PCDHGA4: variants seen among roughly 807,000 people sequenced by gnomAD.
PCDHGA4 encodes the protein protocadherin gamma-A4.
Under a neutral mutation model 54.6 loss-of-function variants are expected in PCDHGA4, and 38 were observed. The ratio of observed to expected loss-of-function variants is 0.70; its 90% confidence interval spans 0.54 to 0.91. The LOEUF (loss-of-function observed/expected upper bound fraction) is 0.91. PCDHGA4 is among the 40% of genes least tolerant of loss of function. The pLI is 0.00. For missense variants in PCDHGA4, 1,298 were observed against 1,220.9 expected, an observed-to-expected ratio of 1.06 and a Z score of -0.94; for synonymous variants, 511 against 512.9, an observed-to-expected ratio of 1.00 and a Z score of 0.05.
chr5:141,419,694 G>T, intron 1 of PCDHGA4: 2 of 1,612,974 alleles, frequency 1.2e-6, no homozygotes, highest in South Asian at 1.1e-5. Context: ...GTGCAGGCCA[G>T]TGAGCCCGGG....
chr5:141,425,500 T>C (rs2096879850), intron 1 of PCDHGA4, among the ~76,000 whole-genome samples: 1 of 152,246 alleles, frequency 6.6e-6, no homozygotes, highest in South Asian at 2.1e-4. Context: ...GCTATACCTT[T>C]ATATTCTCTT....
At position 141,476,764 on chromosome 5, in the gene PCDHGA4, G is replaced by A. The variant is rs570982273; in HGVS notation, c.2515-18043G>A. 1.2e-6 allele frequency: 2 copies of A among 1,613,794 alleles called. No homozygotes were observed. Reference sequence around the variant, plus strand: ...CTAGTCTCCAGTTAGTGCTGACGGCGTTGGACGGAGGGACCCCAGCTCTCT... The same window carrying A: ...CTAGTCTCCAGTTAGTGCTGACGGCATTGGACGGAGGGACCCCAGCTCTCT... On this transcript the variant is annotated intron_variant, in intron 1 of 3. Coordinates refer to ENST00000571252, the MANE Select transcript of PCDHGA4 (RefSeq NM_018917.4). The surrounding 1 kb of genome is among the most constrained non-coding windows in gnomAD (Gnocchi z 7.6).
Position 141,485,625 on chromosome 5 carries a change from G to T in PCDHGA4, c.2515-9182G>T. 6.2e-7 allele frequency: 1 copy of T among 1,611,968 alleles called. No individual in the cohort carries two copies. On this transcript the variant is annotated intron_variant, in intron 1 of 3. Transcript: ENST00000571252. This position sits in a 1 kb window ranked among gnomAD's most constrained non-coding sequence, Gnocchi z 5.7. ...GGGGAGGCAGCTCCTCCAGGACAGC[G>T]TTTCCCGTTGGAAAAGGCTCAGGAT...
chr5:141,421,760 A>G, intron 1 of PCDHGA4: 1 of 1,613,868 alleles, frequency 6.2e-7, no homozygotes, highest in South Asian at 1.1e-5. Context: ...CCTAATAATT[A>G]CTTTTCCTTG....
At chr5:141,457,289 G>C (rs907200077) in intron 1 of PCDHGA4, among the ~76,000 whole-genome samples, 2 of 152,146 alleles carry the variant, frequency 1.3e-5, no homozygotes, top group African/African-American at 4.8e-5. Flanking sequence ...GAAGTTCCTT[G>C]GTTTTATTTT....
rs747156698 is a variant in PCDHGA4 at position 141,385,112 on chromosome 5, C to T, written c.2514+27491C>T. ...GGTGGCTTGGCGAACGTGCCCACCT[C>T]GCACTTTGTGGGCATGGACGGGGTG... On this transcript the variant is annotated intron_variant, in intron 1 of 3. Coordinates refer to ENST00000571252, the MANE Select transcript of PCDHGA4 (RefSeq NM_018917.4). 6 of 1,614,200 alleles carry T rather than the reference C, an allele frequency of 3.7e-6. No homozygotes were observed. The highest frequency in any genetic ancestry group is 2.7e-5 in the African/African-American group (2 of 75,070).
chr5:141,460,822 C>A (rs2098998601), intron 1 of PCDHGA4, among the ~76,000 whole-genome samples: 2 of 151,502 alleles, frequency 1.3e-5, no homozygotes, highest in South Asian at 4.1e-4. Context: ...TACATATATA[C>A]ACACTTAAAG....
In PCDHGA4 at chr5:141,492,000, A is replaced by G; in HGVS notation, c.2515-2807A>G. On this transcript the variant is annotated intron_variant, in intron 1 of 3. Transcript: ENST00000571252. The surrounding 1 kb of genome is among the most constrained non-coding windows in gnomAD (Gnocchi z 6.9). Reference sequence around the variant, plus strand: ...TCGAGCTTCCGGTGAATTTCGGGCGATTTCCGCGGGTGTCGGGGGTCCCGG... The same window carrying G: ...TCGAGCTTCCGGTGAATTTCGGGCGGTTTCCGCGGGTGTCGGGGGTCCCGG... 1 of 659,856 alleles carries G rather than the reference A, an allele frequency of 1.5e-6. No homozygotes were observed. The highest frequency in any genetic ancestry group is 3.1e-5 in the South Asian group (1 of 32,438). 40.9% of individuals were successfully genotyped at this position (659,856 alleles called of 1,614,324 possible).
At chr5:141,444,834 A>G (rs892892307) in intron 1 of PCDHGA4, among the ~76,000 whole-genome samples, 1 of 152,132 alleles carries the variant, frequency 6.6e-6, no homozygotes, top group African/African-American at 2.4e-5. Context: ...TTGTAGCTTT[A>G]TAGTAAGTCT....
At chr5:141,415,205 C>A (rs2095843771) in intron 1 of PCDHGA4, 2 of 1,614,040 alleles carry the variant, frequency 1.2e-6, no homozygotes, top group Non-Finnish European at 1.7e-6. Context: ...CAAGTCCTGG[C>A]GGACCTCGGC....
In PCDHGA4 at chr5:141,476,034, C is replaced by G. The variant is rs934044974; in HGVS notation, c.2515-18773C>G. On this transcript the variant is annotated intron_variant, in intron 1 of 3. Transcript: ENST00000571252. This position sits in a 1 kb window ranked among gnomAD's most constrained non-coding sequence, Gnocchi z 7.6. ...CCATGTCGGACTCGGCGCCCAGCGC[C>G]CAAGCGCTAACCCGCTGAAAGTTTC... The G allele has an allele frequency of 2.0e-6, 3 of 1,464,488 alleles. No homozygotes were observed. Among genetic ancestry groups the G allele is most frequent in the Non-Finnish European group, 2.7e-6 (3 of 1,100,656 alleles). 90.7% of individuals were successfully genotyped at this position (1,464,488 alleles called of 1,614,324 possible). A position where few individuals can be genotyped will look rare whatever the true frequency, so the allele number is the denominator to read the frequency against.
intron 1 of PCDHGA4, chr5:141,413,949 T>C (rs1291474416): frequency 6.2e-7 from 1 of 1,613,218 alleles, no homozygotes; most frequent in African/African-American, 1.3e-5. Context: ...TTCCTGAGAA[T>C]TTGCCTGTGG....
chr5:141,505,794 G>A (rs1423502957), intron 3 of PCDHGA4, among the ~76,000 whole-genome samples: 1 of 152,142 alleles, frequency 6.6e-6, no homozygotes, highest in East Asian at 1.9e-4. Context: ...CTATCCTTGG[G>A]ACTTGGATCG....
chr5:141,366,006 C>A lies in PCDHGA4; in HGVS notation c.2514+8385C>A, dbSNP rs760966863. The A allele has an allele frequency of 4.3e-6, 7 of 1,614,122 alleles. No homozygotes were observed. The highest frequency in any genetic ancestry group is 5.9e-6 in the Non-Finnish European group (7 of 1,180,046). On this transcript the variant is annotated intron_variant, in intron 1 of 3. Transcript: ENST00000571252. Reference sequence around the variant, plus strand: ...TTTGTGCTGGACCAGAACGACAATACGCCTGAGATCCTGTACCCCGCCCTC... The same window carrying A: ...TTTGTGCTGGACCAGAACGACAATAAGCCTGAGATCCTGTACCCCGCCCTC...
In PCDHGA4 at chr5:141,356,738, T is replaced by C; in HGVS notation, c.1631T>C (p.Ile544Thr). The change falls in exon 1 of 4, where the codon ATC (isoleucine) becomes ACC (threonine). Residue 544 changes from isoleucine (I) to threonine (T), a missense_variant. Transcript: ENST00000571252. ...GTCTCCATCAACTCCAATACAGGGA[T>C]CCTATATGCTCTTTGCTCCTTCGAC... ...SYVSINSNTG[I>T]LYALCSFDYE... 1 of 1,613,924 alleles carries C rather than the reference T, an allele frequency of 6.2e-7. No individual in the cohort carries two copies. Among genetic ancestry groups the C allele is most frequent in the Non-Finnish European group, 8.5e-7 (1 of 1,179,848 alleles).
chr5:141,468,528 G>A (rs2154569956), intron 1 of PCDHGA4: 1 of 152,056 alleles, frequency 6.6e-6, no homozygotes, highest in South Asian at 2.1e-4. Context: ...TTTTTTGCAG[G>A]TAGTTTCCTG....
At chr5:141,380,084 G>C (rs1452303755) in intron 1 of PCDHGA4, among the ~76,000 whole-genome samples, 1 of 151,830 alleles carries the variant, frequency 6.6e-6, no homozygotes, top group Non-Finnish European at 1.5e-5. Flanking sequence ...ACTTTTAGTA[G>C]AGATGGGGTT....
chr5:141,375,955 C>A, intron 1 of PCDHGA4: 2 of 1,613,498 alleles, frequency 1.2e-6, no homozygotes, highest in Non-Finnish European at 1.7e-6. Flanking sequence ...TGCACACGGG[C>A]GAGGTGCGCA....
chr5:141,417,659 A>G, intron 1 of PCDHGA4: 1 of 869,514 alleles, frequency 1.2e-6, no homozygotes, highest in Non-Finnish European at 1.7e-6. Context: ...CTAGCCTGGG[A>G]TTCCCTGCGC....
Sources: allele counts gnomAD v4.1 joint callset (sites outside exome capture counted in the v4.1 genomes callset), GRCh38; gene constraint gnomAD v4.1.1; non-coding constraint Gnocchi (gnomAD v3.1); transcripts MANE v1.5; gene names NCBI Gene and HGNC (gene_info 2026-07-23, HGNC 2026-07-21).